Variants in ELFN2 observed in about 807,000 individuals in gnomAD.
ELFN2 encodes extracellular leucine rich repeat and fibronectin type III domain containing 2.
A neutral mutation model predicts 45.5 loss-of-function variants in ELFN2; 17 were observed. The ratio of observed to expected loss-of-function variants is 0.37; its 90% CI spans 0.26 to 0.56. The LOEUF (loss-of-function observed/expected upper bound fraction) is 0.56, where lower values mean the gene tolerates loss of function less well. Among genes scored for constraint, ELFN2 ranks in the 20% least tolerant of loss-of-function variants. The probability of loss-of-function intolerance (pLI) is 0.77; values close to 1 mark genes in which losing one functional copy is unlikely to be tolerated. For synonymous variants in ELFN2, 550 were observed against 551.5 expected (o/e 1.00, Z 0.04); for missense variants, 922 against 1,183.2 (o/e 0.78, Z 3.24).
intron 1 of ELFN2, chr22:37,354,224 G>A (rs1456655095): frequency 3.3e-5 from 5 of 152,218 alleles, no homozygotes; most frequent in African/African-American, 9.7e-5. Context: ...CGCAGCCCTC[G>A]AGGGAGAGGC....
chr22:37,405,530 C>A (rs1248423655), intron 2 of ELFN2, among the ~76,000 whole-genome samples: 5 of 152,086 alleles, frequency 3.3e-5, no homozygotes, highest in African/African-American at 7.2e-5. Context: ...CTAAATAATT[C>A]ATCACTGCTG....
At chr22:37,407,652 CT>C (rs1442614155) in intron 2 of ELFN2, among the ~76,000 whole-genome samples, 1 of 151,950 alleles carries the variant, frequency 6.6e-6, no homozygotes, top group Non-Finnish European at 1.5e-5. Context: ...AATCCCAATA[CT>C]TTGGGAGGCT....
intron 1 of ELFN2, among the ~76,000 whole-genome samples, chr22:37,425,559 G>A (rs1001518810): frequency 1.3e-5 from 2 of 150,082 alleles, no homozygotes; most frequent in Non-Finnish European, 2.9e-5. Context: ...CGACAAAACT[G>A]TCCCAGTGAC....
At chr22:37,395,344 G>A (rs1241049749) in intron 2 of ELFN2, among the ~76,000 whole-genome samples, 3 of 152,032 alleles carry the variant, frequency 2.0e-5, no homozygotes, top group Non-Finnish European at 4.4e-5. Flanking sequence ...CCAGACCCAA[G>A]TAGGCATTTA....
intron 2 of ELFN2, among the ~76,000 whole-genome samples, chr22:37,383,711 T>C (rs1051338533): frequency 6.6e-6 from 1 of 152,242 alleles, no homozygotes; most frequent in African/African-American, 2.4e-5. Context: ...ACACCTACTA[T>C]GCCCCTGGCC....
rs8137368 is a variant in ELFN2 at position 37,379,934 on chromosome 22, C to A, written c.-462-3938G>T. On this transcript the variant is annotated intron_variant, in intron 2 of 2. Coordinates refer to ENST00000402918, the MANE Select transcript of ELFN2 (RefSeq NM_052906.5). ...TGGCTCAGTCCCACCCCTGCCCCCCCTCGGAGGGCAAGCCTGGCACAGCGC... is the reference window on the plus strand; with the variant it reads ...TGGCTCAGTCCCACCCCTGCCCCCCATCGGAGGGCAAGCCTGGCACAGCGC... 1.3e-3 allele frequency among the ~76,000 whole-genome samples: 192 copies of A among 152,188 alleles called. 1 individual carries two copies. The highest frequency in any genetic ancestry group is 4.2e-3 in the African/African-American group (173 of 41,516).
At position 37,374,262 on chromosome 22, in the gene ELFN2, G is replaced by A. The variant is rs1427755593; in HGVS notation, c.1273C>T (p.Gln425Ter). The change falls in exon 3 of 3, where the codon CAG becomes TAG. Residue 425 changes from glutamine to a stop codon, truncating the protein, a stop_gained. Coordinates refer to ENST00000402918, the MANE Select transcript of ELFN2 (RefSeq NM_052906.5). LOFTEE classifies it high-confidence loss of function. ...VYYCLRKRRM[Q>*]EEKQKSVNVK... ...TTGACAGACTTCTGCTTCTCCTCCT[G>A]CATGCGCCGCTTGCGCAGGCAGTAG... The A allele has an allele frequency of 6.2e-7, 1 of 1,613,976 alleles. No homozygotes were observed. The highest frequency in any genetic ancestry group is 8.5e-7 in the Non-Finnish European group (1 of 1,180,030).
intron 1 of ELFN2, among the ~76,000 whole-genome samples, chr22:37,351,523 C>A (rs946858771): frequency 6.6e-6 from 1 of 150,502 alleles, no homozygotes; most frequent in African/African-American, 2.4e-5. Context: ...AGGCCTGCAG[C>A]CTCCTCTCAC....
intron 2 of ELFN2, among the ~76,000 whole-genome samples, chr22:37,407,612 C>T (rs574286402): frequency 3.0e-4 from 45 of 152,204 alleles, no homozygotes; most frequent in Admixed American, 7.2e-4. Flanking sequence ...ACGCCCCACC[C>T]GGCGGCCAGG....
chr22:37,389,706 T>A (rs185905319), intron 2 of ELFN2, among the ~76,000 whole-genome samples: 134 of 152,210 alleles, frequency 8.8e-4, no homozygotes, highest in Non-Finnish European at 1.1e-3. Flanking sequence ...AAGCAGCTTC[T>A]CTCCTGGTGC....
At chr22:37,353,606 C>G (rs1930877147) in intron 1 of ELFN2, 1 of 150,988 alleles carries the variant, frequency 6.6e-6, no homozygotes, top group Non-Finnish European at 1.5e-5. Flanking sequence ...GGACCAATGG[C>G]CCGAATAGGC....
intron 2 of ELFN2, among the ~76,000 whole-genome samples, chr22:37,381,449 A>C (rs1022460178): frequency 1.3e-5 from 2 of 151,888 alleles, no homozygotes; most frequent in African/African-American, 4.8e-5. Flanking sequence ...TCCCCACCCC[A>C]GGACCTTTGC....
At chr22:37,404,409 G>C (rs2145674796) in intron 2 of ELFN2, among the ~76,000 whole-genome samples, 1 of 152,158 alleles carries the variant, frequency 6.6e-6, no homozygotes, top group South Asian at 2.1e-4. Context: ...GAGACCAAGG[G>C]GGGAGTTCAG....
chr22:37,388,348 C>T (rs371509727), intron 2 of ELFN2, among the ~76,000 whole-genome samples: 8 of 152,256 alleles, frequency 5.3e-5, no homozygotes, highest in African/African-American at 1.9e-4. Flanking sequence ...TCCATCACAA[C>T]CGGAATCATA....
intron 1 of ELFN2, among the ~76,000 whole-genome samples, chr22:37,345,038 C>T (rs1326091396): frequency 6.6e-6 from 1 of 152,234 alleles, no homozygotes; most frequent in Non-Finnish European, 1.5e-5. Flanking sequence ...TCAGTCCCTG[C>T]AGAGCAAGCC....
chr22:37,391,120 C>G (rs557492847), intron 2 of ELFN2, among the ~76,000 whole-genome samples: 1 of 152,230 alleles, frequency 6.6e-6, no homozygotes, highest in Non-Finnish European at 1.5e-5. Context: ...AAAGCCAGGC[C>G]TTCTGGTTGG....
intron 2 of ELFN2, among the ~76,000 whole-genome samples, chr22:37,399,022 C>T (rs1019115035): frequency 6.6e-6 from 1 of 152,266 alleles, no homozygotes; most frequent in East Asian, 1.9e-4. Flanking sequence ...GAAGACACAG[C>T]GTCCAGCCTT....
rs951594964 is a variant in ELFN2, at chr22:37,359,364, C to T, written n.149-16661G>A. ...TTCTTGGGAGCCTTCCCCTGGCCTC[C>T]CTGGCCAGGCCCCTGCCACTCCCCT... On this transcript the variant is annotated intron_variant and non_coding_transcript_variant, in intron 1 of 2. Transcript: ENST00000452946. Among the ~76,000 whole-genome samples the T allele has an allele frequency of 7.8e-5, 10 of 127,670 alleles. 1 individual carries two copies. The highest frequency in any genetic ancestry group is 2.5e-4 in the African/African-American group (9 of 36,038). The allele number at this position is 127,670 out of a possible 152,430, so 83.8% of individuals were successfully genotyped here.
chr22:37,345,704 C>T (rs532701700), intron 1 of ELFN2, among the ~76,000 whole-genome samples: 2 of 152,222 alleles, frequency 1.3e-5, no homozygotes, highest in Admixed American at 6.5e-5. Flanking sequence ...CGTGCCACCA[C>T]GCCCAGCTAA....
Sources: gnomAD v4.1 joint callset for allele counts (sites outside exome capture counted in the v4.1 genomes callset) on GRCh38, gnomAD v4.1.1 for gene constraint, MANE v1.5 for transcripts, NCBI Gene and HGNC (gene_info 2026-07-23, HGNC 2026-07-21) for gene names.